The following PPP4R3B variants were observed in gnomAD, a reference collection of about 807,000 sequenced individuals.
PPP4R3B encodes serine/threonine-protein phosphatase 4 regulatory subunit 3B.
PPP4R3B carries 52 observed loss-of-function variants against 95.4 expected under a neutral mutation model. The observed-to-expected ratio is 0.54, with a 90% confidence interval of 0.44 to 0.69. The LOEUF is 0.69. Among genes scored for constraint, PPP4R3B ranks in the 30% least tolerant of loss-of-function variants. PPP4R3B has a pLI of 0.00. For synonymous variants in PPP4R3B, 407 were observed against 343.9 expected, an observed-to-expected ratio of 1.18 and a Z score of -2.03; for missense variants, 1,003 against 1,005.9, an observed-to-expected ratio of 1.00 and a Z score of 0.04.
intron 2 of PPP4R3B, among the ~76,000 whole-genome samples, chr2:55,609,257 C>A (rs1290649211): frequency 6.6e-6 from 1 of 152,074 alleles, no homozygotes; most frequent in East Asian, 1.9e-4. Flanking sequence ...CTCCTGGTCT[C>A]AAGTGATCCT....
intron 2 of PPP4R3B, chr2:55,614,736 A>C (rs1025827398): frequency 2.6e-5 from 4 of 152,344 alleles, no homozygotes; most frequent in African/African-American, 9.6e-5. Flanking sequence ...AATATGGCGT[A>C]ACATTAACAT....
chr2:55,566,668 A>G (rs975976571), intron 13 of PPP4R3B, among the ~76,000 whole-genome samples: 1 of 152,220 alleles, frequency 6.6e-6, no homozygotes, highest in Admixed American at 6.5e-5. Context: ...CTGACTTGTA[A>G]GAAATAAAAC....
At chr2:55,607,294 ACT>A (rs1693553875) in intron 2 of PPP4R3B, among the ~76,000 whole-genome samples, 1 of 152,174 alleles carries the variant, frequency 6.6e-6, no homozygotes, top group South Asian at 2.1e-4. Flanking sequence ...ACCCGGAGAC[ACT>A]GTCAGATACC....
At chr2:55,577,786 AG>A (rs1221769508) in intron 10 of PPP4R3B, among the ~76,000 whole-genome samples, 3 of 152,128 alleles carry the variant, frequency 2.0e-5, no homozygotes, top group African/African-American at 7.2e-5. Flanking sequence ...TTAAAACTCC[AG>A]AATAATGAAT....
intron 2 of PPP4R3B, 121 bp from the exon 3 acceptor site, chr2:55,604,197 C>T: frequency 1.8e-6 from 1 of 548,278 alleles, no homozygotes; most frequent in Non-Finnish European, 3.1e-6. Flanking sequence ...TATGAGTAAT[C>T]AATGTATATC....
chr2:55,584,335 T>C (rs1232958908), intron 7 of PPP4R3B, among the ~76,000 whole-genome samples: 3 of 152,152 alleles, frequency 2.0e-5, no homozygotes, highest in African/African-American at 7.2e-5. Context: ...ATTATTAAAC[T>C]GTCTTTTTTT....
intron 16 of PPP4R3B, among the ~76,000 whole-genome samples, chr2:55,556,150 A>G (rs926379692): frequency 1.3e-5 from 2 of 152,198 alleles, no homozygotes; most frequent in African/African-American, 4.8e-5. Context: ...TTTGTTAAGA[A>G]GGTTGAGAGC....
intron 3 of PPP4R3B, among the ~76,000 whole-genome samples, chr2:55,601,707 G>A (rs571489562): frequency 6.6e-6 from 1 of 152,274 alleles, no homozygotes; most frequent in South Asian, 2.1e-4. Context: ...GACTACGTGG[G>A]ATTCTAGTAA....
intron 3 of PPP4R3B, among the ~76,000 whole-genome samples, chr2:55,600,426 CAAA>C (rs60764774): frequency 9.0e-5 from 2 of 22,184 alleles, no homozygotes; most frequent in African/African-American, 1.6e-4. Context: ...AACTCTGTCT[CAAA>C]AAAAAAAAAA....
chr2:55,605,121 G>T (rs1693205452), intron 2 of PPP4R3B, among the ~76,000 whole-genome samples: 1 of 152,076 alleles, frequency 6.6e-6, no homozygotes, highest in Non-Finnish European at 1.5e-5. Context: ...ACAGGTGTGA[G>T]CCACTGCACC....
At chr2:55,606,952 G>C (rs183121848) in intron 2 of PPP4R3B, among the ~76,000 whole-genome samples, 2 of 151,996 alleles carry the variant, frequency 1.3e-5, no homozygotes, top group Admixed American at 6.6e-5. Context: ...GTTTACACTA[G>C]CAGTAAATGT....
At chr2:55,555,974 TTG>T (rs1685803702) in intron 16 of PPP4R3B, among the ~76,000 whole-genome samples, 1 of 152,250 alleles carries the variant, frequency 6.6e-6, no homozygotes, top group Admixed American at 6.5e-5. Context: ...AAGAAGTATT[TTG>T]TGTCTTTATG....
rs554222991 is a variant in PPP4R3B at position 55,616,801 on chromosome 2, A to C, written c.142+343T>G. ...TGTACTAGACGTATAATGGATAAGTAAATAAAGGGGGAGGAAGGTGTCAGC... is the reference window on the plus strand; with the variant it reads ...TGTACTAGACGTATAATGGATAAGTCAATAAAGGGGGAGGAAGGTGTCAGC... On this transcript the variant is annotated intron_variant, in intron 1 of 16. Coordinates refer to ENST00000616407, the MANE Select transcript of PPP4R3B (RefSeq NM_001122964.3). Among the ~76,000 whole-genome samples, 134 of 152,130 alleles carry C rather than the reference A, an allele frequency of 8.8e-4. 1 individual carries two copies. Among genetic ancestry groups the C allele is most frequent in the Non-Finnish European group, 8.8e-5 (6 of 67,998 alleles).
rs1694766168 is a variant in PPP4R3B at position 55,615,515 on chromosome 2, T to C, written c.143-9A>G. ...TTCCAAGAGTAGTGATCCTGAAAGA[T>C]AAAAAATAATACATCATAAGTCTCA... is the stretch of plus-strand genomic sequence containing the variant. On this transcript the variant is annotated splice_polypyrimidine_tract_variant and intron_variant, in intron 1 of 16. Transcript: ENST00000616407. 1.3e-6 allele frequency: 2 copies of C among 1,541,480 alleles called. No homozygotes were observed. Among genetic ancestry groups the C allele is most frequent in the Non-Finnish European group, 1.8e-6 (2 of 1,127,860 alleles).
rs138993098 is a variant in PPP4R3B at position 55,600,491 on chromosome 2, T to C, written c.298-1452A>G. ...GGGTGGTTAAGAAATAATTAAGTAATATGGCGCTTACTGAAATTGAAATTG... is the reference window on the plus strand; with the variant it reads ...GGGTGGTTAAGAAATAATTAAGTAACATGGCGCTTACTGAAATTGAAATTG... On this transcript the variant is annotated intron_variant, in intron 3 of 16. Transcript: ENST00000616407. Among the ~76,000 whole-genome samples, 474 of 79,084 alleles carry C rather than the reference T, an allele frequency of 6.0e-3. 2 individuals carry two copies. The highest frequency in any genetic ancestry group is 0.021 in the African/African-American group (437 of 21,100). 51.9% of individuals were successfully genotyped at this position (79,084 alleles called of 152,430 possible). A position where few individuals can be genotyped will look rare whatever the true frequency, so the allele number is the denominator to read the frequency against.
intron 15 of PPP4R3B, among the ~76,000 whole-genome samples, chr2:55,560,925 A>G (rs755327772): frequency 2.2e-4 from 34 of 152,352 alleles, no homozygotes; most frequent in Non-Finnish European, 4.3e-4. Flanking sequence ...GAAAACTTGC[A>G]GCCTGACCAT....
intron 3 of PPP4R3B, among the ~76,000 whole-genome samples, chr2:55,603,176 C>T (rs909476597): frequency 6.6e-6 from 1 of 152,174 alleles, no homozygotes; most frequent in Admixed American, 6.5e-5. Flanking sequence ...TGGTCTCGAA[C>T]TCCTGATGTC....
chr2:55,614,038 A>G (rs1050914123), intron 2 of PPP4R3B: 3 of 152,168 alleles, frequency 2.0e-5, no homozygotes, highest in African/African-American at 7.2e-5. Flanking sequence ...TCTCCATCAA[A>G]AAAGACACAC....
intron 4 of PPP4R3B, among the ~76,000 whole-genome samples, 173 bp from the exon 5 acceptor site, chr2:55,589,129 T>A (rs1690598509): frequency 2.6e-5 from 4 of 152,056 alleles, no homozygotes; most frequent in Admixed American, 2.6e-4. Context: ...ACTACACCAT[T>A]CAATTCTTGT....
Sources: allele counts gnomAD v4.1 joint callset (sites outside exome capture counted in the v4.1 genomes callset), GRCh38; gene constraint gnomAD v4.1.1; transcripts MANE v1.5; gene names NCBI Gene and HGNC (gene_info 2026-07-23, HGNC 2026-07-21).